Variants in MECOM observed in about 807,000 individuals in gnomAD.
MECOM encodes MDS1 and EVI1 complex locus.
Under a neutral mutation model 116.3 loss-of-function variants are expected in MECOM, and 13 were observed. The observed-to-expected ratio is 0.11, with a 90% CI of 0.07 to 0.18. The LOEUF (loss-of-function observed/expected upper bound fraction) is 0.18, where lower values mean the gene tolerates loss of function less well. Among genes scored for constraint, MECOM ranks in the 10% least tolerant of loss-of-function variants. The pLI, the probability that MECOM is intolerant of heterozygous loss-of-function variation, is 1.00. For missense variants in MECOM, 1,299 were observed against 1,509.0 expected (o/e 0.86, Z 2.31); for synonymous variants, 528 against 535.2 (o/e 0.99, Z 0.19).
chr3:169,490,818 A>G lies in MECOM; in HGVS notation c.38-109294T>C, dbSNP rs1394791330. Reference sequence around the variant, plus strand: ...AAAGAGAGTTTGTTAGTAGATATGCAAAATGTTAATATTTGAGTATATAGG... The same window carrying G: ...AAAGAGAGTTTGTTAGTAGATATGCGAAATGTTAATATTTGAGTATATAGG... On this transcript the variant is annotated intron_variant, in intron 1 of 16. Transcript: ENST00000651503. Among the ~76,000 whole-genome samples, 5 of 152,202 alleles carry G rather than the reference A, an allele frequency of 3.3e-5. No individual in the cohort carries two copies. In the East Asian group the frequency reaches 9.6e-4, roughly 29 times the overall value.
At chr3:169,157,016 A>T (rs1490327519) in intron 2 of MECOM, among the ~76,000 whole-genome samples, 1 of 152,162 alleles carries the variant, frequency 6.6e-6, no homozygotes, top group Non-Finnish European at 1.5e-5. Flanking sequence ...TAAACCACAA[A>T]CCTTGATGAA....
At chr3:169,496,280 A>G (rs982073301) in intron 1 of MECOM, among the ~76,000 whole-genome samples, 1 of 152,020 alleles carries the variant, frequency 6.6e-6, no homozygotes, top group African/African-American at 2.4e-5. Context: ...CAGACAATAC[A>G]CCCGTCTTTG....
chr3:169,616,294 G>A (rs149875100), intron 1 of MECOM, among the ~76,000 whole-genome samples: 533 of 152,248 alleles, frequency 3.5e-3, no homozygotes, highest in Non-Finnish European at 5.8e-3. Context: ...AAAAGAGGGG[G>A]CTCAGAAAAA....
intron 10 of MECOM, among the ~76,000 whole-genome samples, chr3:169,103,830 T>C (rs546548678): frequency 1.4e-4 from 21 of 152,270 alleles, no homozygotes; most frequent in African/African-American, 4.8e-4. Context: ...AAAGGAATAT[T>C]GTGTGTTTGA....
At chr3:169,631,342 A>G in intron 1 of MECOM, among the ~76,000 whole-genome samples, 1 of 152,242 alleles carries the variant, frequency 6.6e-6, no homozygotes, top group East Asian at 1.9e-4. Context: ...TTGCTATAAT[A>G]GAGGGAATCA....
intron 1 of MECOM, among the ~76,000 whole-genome samples, chr3:169,589,261 A>G (rs1381912972): frequency 6.6e-6 from 1 of 152,106 alleles, no homozygotes; most frequent in African/African-American, 2.4e-5. Context: ...GCCCCAGGAT[A>G]TTAACCTAGG....
chr3:169,641,561 A>G (rs1191064235), intron 1 of MECOM, among the ~76,000 whole-genome samples: 1 of 152,234 alleles, frequency 6.6e-6, no homozygotes, highest in Non-Finnish European at 1.5e-5. Context: ...ATGGGGCATT[A>G]TCATAAGTGT....
chr3:169,418,241 A>G (rs1235094713), intron 1 of MECOM, among the ~76,000 whole-genome samples: 2 of 152,112 alleles, frequency 1.3e-5, no homozygotes, highest in Non-Finnish European at 2.9e-5. Context: ...AAGTTCTGAA[A>G]TTGAGGTACT....
intron 2 of MECOM, among the ~76,000 whole-genome samples, chr3:169,234,543 T>C (rs1256296773): frequency 6.6e-6 from 1 of 152,180 alleles, no homozygotes; most frequent in African/African-American, 2.4e-5. Context: ...CCATGTATTA[T>C]AGATTTTTAG....
At chr3:169,659,300 C>G (rs1775938530) in intron 1 of MECOM, among the ~76,000 whole-genome samples, 2 of 152,070 alleles carry the variant, frequency 1.3e-5, no homozygotes, top group Non-Finnish European at 2.9e-5. Flanking sequence ...CCAAGACCTG[C>G]AACTCTGCAG....
intron 2 of MECOM, among the ~76,000 whole-genome samples, chr3:169,356,544 G>A (rs771798340): frequency 2.6e-5 from 4 of 151,862 alleles, no homozygotes; most frequent in African/African-American, 7.2e-5. Context: ...ACAAAAAAGT[G>A]GGCCCTGCCA....
intron 2 of MECOM, chr3:169,147,569 T>C: frequency 1.0e-6 from 1 of 985,388 alleles, no homozygotes; most frequent in Non-Finnish European, 1.2e-6. Context: ...ACCCAAGTCC[T>C]ATAGGGACAG....
At chr3:169,450,874 A>G (rs1252245939) in intron 1 of MECOM, among the ~76,000 whole-genome samples, 2 of 152,210 alleles carry the variant, frequency 1.3e-5, no homozygotes, top group Non-Finnish European at 2.9e-5. Flanking sequence ...ATCTTTCACA[A>G]GTTCATAATG....
At chr3:169,395,827 T>A (rs1293538287) in intron 1 of MECOM, among the ~76,000 whole-genome samples, 2 of 152,222 alleles carry the variant, frequency 1.3e-5, no homozygotes, top group African/African-American at 4.8e-5. Context: ...TTGTAAAACA[T>A]AAGCTTCATG....
chr3:169,440,838 C>T (rs557742036), intron 1 of MECOM, among the ~76,000 whole-genome samples: 2 of 152,100 alleles, frequency 1.3e-5, no homozygotes, highest in East Asian at 1.9e-4. Context: ...TCACCCCAGA[C>T]CCAAGAGTCA....
chr3:169,472,860 A>G, intron 1 of MECOM: 1 of 447,784 alleles, frequency 2.2e-6, no homozygotes, highest in East Asian at 1.6e-4. Context: ...GTTCAAAGAC[A>G]AGGTCTTAAT....
chr3:169,472,410 G>A (rs1320519776), intron 1 of MECOM, among the ~76,000 whole-genome samples: 1 of 144,814 alleles, frequency 6.9e-6, no homozygotes, highest in Non-Finnish European at 1.5e-5. Context: ...TAGAGGAGAG[G>A]AGAGGAGAGG....
chr3:169,321,330 C>T (rs1242461557), intron 2 of MECOM, among the ~76,000 whole-genome samples: 12 of 152,054 alleles, frequency 7.9e-5, no homozygotes, highest in Admixed American at 2.6e-4. Flanking sequence ...TCACGAGGTC[C>T]GGAGATTGAG....
In MECOM at chr3:169,469,350, C is replaced by T. The variant is rs1352304209; in HGVS notation, c.38-87826G>A. Among the ~76,000 whole-genome samples the T allele has an allele frequency of 5.9e-5, 9 of 152,268 alleles. No individual in the cohort carries two copies. The South Asian group carries it at 1.5e-3, about 25-fold the overall frequency. ...TAGGAAGCCAGCAGGGAGTCTATAT[C>T]TACAATGTCTTAGTATTCCAGCAGT... is the stretch of plus-strand genomic sequence containing the variant. On this transcript the variant is annotated intron_variant, in intron 1 of 16. Transcript: ENST00000651503.
Sources: allele counts gnomAD v4.1 joint callset (sites outside exome capture counted in the v4.1 genomes callset), GRCh38; gene constraint gnomAD v4.1.1; transcripts MANE v1.5; gene names NCBI Gene and HGNC (gene_info 2026-07-23, HGNC 2026-07-21).